Variants in TENM3 observed in about 807,000 individuals in gnomAD.
TENM3 encodes teneurin transmembrane protein 3.
A neutral mutation model predicts 255.1 loss-of-function variants in TENM3; 63 were observed. The ratio of observed to expected loss-of-function variants is 0.25; its 90% CI spans 0.20 to 0.30. The LOEUF is 0.30. TENM3 is among the 10% of genes least tolerant of loss of function. TENM3 has a pLI of 1.00. For missense variants in TENM3, 2,929 were observed against 3,461.1 expected (o/e 0.85, Z 3.86); for synonymous variants, 1,306 against 1,322.3 (o/e 0.99, Z 0.27).
the TENM3 span, among the ~76,000 whole-genome samples, chr4:181,520,696 C>A: frequency 6.6e-6 from 1 of 152,038 alleles, no homozygotes; most frequent in Admixed American, 6.6e-5. Flanking sequence ...AAAGTCTTTT[C>A]TTTTGAACAG....
the TENM3 span, among the ~76,000 whole-genome samples, chr4:182,017,031 A>G: frequency 6.6e-6 from 1 of 152,228 alleles, no homozygotes; most frequent in Admixed American, 6.5e-5. Context: ...TTGCCTTACA[A>G]TGGACACATA....
chr4:182,366,757 G>A (rs957179033), intron 3 of TENM3, among the ~76,000 whole-genome samples: 1 of 152,082 alleles, frequency 6.6e-6, no homozygotes, highest in Non-Finnish European at 1.5e-5. Context: ...CACTAGGAGT[G>A]TAATGTGTAA....
At chr4:182,269,983 G>A (rs1287956149) in intron 1 of TENM3, among the ~76,000 whole-genome samples, 1 of 152,176 alleles carries the variant, frequency 6.6e-6, no homozygotes, top group East Asian at 1.9e-4. Flanking sequence ...GGGATAAGGA[G>A]CATTGGGGGC....
At chr4:182,493,538 C>A (rs953323220) in intron 3 of TENM3, among the ~76,000 whole-genome samples, 1 of 152,070 alleles carries the variant, frequency 6.6e-6, no homozygotes, top group Non-Finnish European at 1.5e-5. Flanking sequence ...AACACAATTT[C>A]CTTTGATAAG....
intron 3 of TENM3, among the ~76,000 whole-genome samples, chr4:182,588,542 G>C (rs752926455): frequency 6.6e-6 from 1 of 152,096 alleles, no homozygotes; most frequent in Non-Finnish European, 1.5e-5. Context: ...AAGGTAATAA[G>C]GGGAGAGAAA....
At chr4:182,389,442 T>C (rs1276694488) in intron 3 of TENM3, among the ~76,000 whole-genome samples, 1 of 150,364 alleles carries the variant, frequency 6.7e-6, no homozygotes, top group Non-Finnish European at 1.5e-5. Flanking sequence ...AAAACAGAGC[T>C]AAAGTAATTC....
the TENM3 span, among the ~76,000 whole-genome samples, chr4:182,115,515 A>G: frequency 6.6e-6 from 1 of 152,186 alleles, no homozygotes; most frequent in African/African-American, 2.4e-5. Context: ...TTGATCTTGT[A>G]CTCAATGAGA....
At chr4:182,175,762 A>G (rs1350008114) in intron 1 of TENM3, among the ~76,000 whole-genome samples, 1 of 152,240 alleles carries the variant, frequency 6.6e-6, no homozygotes, top group Non-Finnish European at 1.5e-5. Context: ...CTGAACCCCT[A>G]AATTTGAAAA....
the TENM3 span, among the ~76,000 whole-genome samples, chr4:181,849,798 T>C: frequency 1.3e-5 from 2 of 152,144 alleles, no homozygotes; most frequent in Non-Finnish European, 2.9e-5. Context: ...ATAATCTCTA[T>C]AGTTCTGCCA....
chr4:181,682,237 C>T, the TENM3 span, among the ~76,000 whole-genome samples: 6 of 152,172 alleles, frequency 3.9e-5, no homozygotes, highest in Admixed American at 3.9e-4. Context: ...GTGTTTATAT[C>T]ATCGAACGCA....
intron 1 of TENM3, among the ~76,000 whole-genome samples, chr4:182,312,748 T>C (rs1470661704): frequency 3.9e-5 from 6 of 152,206 alleles, no homozygotes; most frequent in African/African-American, 1.4e-4. Flanking sequence ...ATGATGGATA[T>C]TGGTTGATCC....
At chr4:181,695,823 C>T in the TENM3 span, among the ~76,000 whole-genome samples, 7 of 151,762 alleles carry the variant, frequency 4.6e-5, no homozygotes, top group South Asian at 4.1e-4. Context: ...TGTAATGGAT[C>T]GTTGGTCACA....
chr4:182,656,181 G>A (rs972426542), intron 6 of TENM3, among the ~76,000 whole-genome samples: 13 of 152,108 alleles, frequency 8.5e-5, no homozygotes, highest in East Asian at 1.9e-4. Context: ...AATGGTTAAC[G>A]GAAGCCCCAG....
the TENM3 span, among the ~76,000 whole-genome samples, chr4:181,885,460 A>C: frequency 1.5e-4 from 23 of 152,264 alleles, no homozygotes; most frequent in Non-Finnish European, 2.8e-4. Context: ...ACAGGGTTTC[A>C]CCATGTTGGC....
At chr4:181,859,477 G>A in the TENM3 span, among the ~76,000 whole-genome samples, 3 of 152,142 alleles carry the variant, frequency 2.0e-5, no homozygotes, top group Non-Finnish European at 4.4e-5. Context: ...AAACAAGTGA[G>A]TGTTTTGCTA....
At chr4:182,482,612 CA>C (rs1164459772) in intron 3 of TENM3, among the ~76,000 whole-genome samples, 1 of 152,098 alleles carries the variant, frequency 6.6e-6, no homozygotes, top group African/African-American at 2.4e-5. Flanking sequence ...TAACCTTTTG[CA>C]ATTTTAGTAT....
At chr4:181,870,185 T>A in the TENM3 span, among the ~76,000 whole-genome samples, 2 of 152,202 alleles carry the variant, frequency 1.3e-5, no homozygotes, top group African/African-American at 4.8e-5. Flanking sequence ...TACTCTTGAA[T>A]AGTATTTCAT....
chr4:182,749,967 G>C (rs1467031838), intron 19 of TENM3, among the ~76,000 whole-genome samples: 2 of 117,898 alleles, frequency 1.7e-5, no homozygotes, highest in African/African-American at 3.2e-5. Flanking sequence ...GTCAACATTA[G>C]ACTGTTTATA....
the TENM3 span, among the ~76,000 whole-genome samples, chr4:181,855,224 G>A: frequency 1.3e-5 from 2 of 152,112 alleles, no homozygotes; most frequent in African/African-American, 4.8e-5. Context: ...AGCTTTCTTT[G>A]TGTTTTGGAT....
Sources: allele counts gnomAD v4.1 joint callset (sites outside exome capture counted in the v4.1 genomes callset), GRCh38; gene constraint gnomAD v4.1.1; transcripts MANE v1.5; gene names NCBI Gene and HGNC (gene_info 2026-07-23, HGNC 2026-07-21).